Variants in NRXN3 observed in about 807,000 individuals in gnomAD.
The protein encoded by NRXN3 is neurexin 3.
A neutral mutation model predicts 137.6 loss-of-function variants in NRXN3; 32 were observed. The observed-to-expected ratio is 0.23, with a 90% CI of 0.18 to 0.31. The LOEUF is 0.31. Ranked by LOEUF, NRXN3 falls within the 10% of genes least tolerant of loss-of-function variation. The pLI, the probability that NRXN3 is intolerant of heterozygous loss-of-function variation, is 1.00. For missense variants in NRXN3, 1,574 were observed against 2,062.5 expected (o/e 0.76, Z 4.59); for synonymous variants, 798 against 784.5 (o/e 1.02, Z -0.29).
intron 3 of NRXN3, among the ~76,000 whole-genome samples, chr14:78,283,869 G>T (rs1235343009): frequency 6.6e-6 from 1 of 152,180 alleles, no homozygotes; most frequent in Non-Finnish European, 1.5e-5. Flanking sequence ...GAGCCTCACA[G>T]CCTCTAAAGT....
intron 14 of NRXN3, among the ~76,000 whole-genome samples, chr14:78,973,114 C>T (rs186865135): frequency 1.3e-5 from 2 of 152,146 alleles, no homozygotes; most frequent in Admixed American, 1.3e-4. Flanking sequence ...GAGGAGACCT[C>T]ATGGGGGAAG....
chr14:79,167,936 G>T (rs1261102539), intron 15 of NRXN3, among the ~76,000 whole-genome samples: 94 of 133,778 alleles, frequency 7.0e-4, no homozygotes, highest in South Asian at 1.5e-3. Flanking sequence ...TTCTTTCCTT[G>T]TTTTTTTTTT....
chr14:78,619,592 T>C (rs1231531715), intron 4 of NRXN3, among the ~76,000 whole-genome samples: 1 of 152,146 alleles, frequency 6.6e-6, no homozygotes, highest in African/African-American at 2.4e-5. Context: ...TCCCTCATAC[T>C]GCTCTTGTGA....
chr14:79,239,648 T>C (rs1236083850), intron 15 of NRXN3, among the ~76,000 whole-genome samples: 1 of 152,190 alleles, frequency 6.6e-6, no homozygotes, highest in African/African-American at 2.4e-5. Flanking sequence ...ATCCCACTAC[T>C]GGGTATATAT....
intron 15 of NRXN3, among the ~76,000 whole-genome samples, chr14:79,071,426 C>T (rs113925274): frequency 0.041 from 6,168 of 152,184 alleles, 457 homozygotes; most frequent in African/African-American, 0.14. Context: ...AGGTTCCCCT[C>T]CCTGTGTCCA....
At chr14:78,681,721 G>A (rs2098077907) in intron 6 of NRXN3, among the ~76,000 whole-genome samples, 2 of 152,122 alleles carry the variant, frequency 1.3e-5, no homozygotes, top group African/African-American at 4.8e-5. Context: ...TTGGAAAAGT[G>A]GGTCTCCTTT....
chr14:79,193,415 C>T (rs1244033287), intron 15 of NRXN3, among the ~76,000 whole-genome samples: 2 of 152,046 alleles, frequency 1.3e-5, no homozygotes, highest in East Asian at 1.9e-4. Context: ...GTGAGAAATG[C>T]GAACAAACAA....
At chr14:78,864,578 T>G (rs1344169898) in intron 10 of NRXN3, among the ~76,000 whole-genome samples, 1 of 152,170 alleles carries the variant, frequency 6.6e-6, no homozygotes. Context: ...AGATAAAAGA[T>G]TTATTTTCCC....
intron 10 of NRXN3, among the ~76,000 whole-genome samples, chr14:78,859,645 C>A (rs1017074272): frequency 1.5e-4 from 23 of 151,952 alleles, no homozygotes; most frequent in Non-Finnish European, 2.1e-4. Flanking sequence ...GTATGTCTAC[C>A]CAAGAAAATC....
At chr14:78,685,945 G>A (rs555003072) in intron 6 of NRXN3, among the ~76,000 whole-genome samples, 242 of 151,618 alleles carry the variant, frequency 1.6e-3, no homozygotes, top group African/African-American at 5.6e-3. Context: ...CACCGCACCC[G>A]GCCATGTCAC....
chr14:79,763,696 C>T (rs1290578955), intron 19 of NRXN3, among the ~76,000 whole-genome samples: 1 of 151,532 alleles, frequency 6.6e-6, no homozygotes, highest in Non-Finnish European at 1.5e-5. Flanking sequence ...CAGTTATGTC[C>T]TTACATGGTG....
At chr14:79,644,088 A>G (rs1017275126) in intron 16 of NRXN3, among the ~76,000 whole-genome samples, 1 of 135,788 alleles carries the variant, frequency 7.4e-6, no homozygotes, top group African/African-American at 2.4e-5. Flanking sequence ...CAATCTAAGT[A>G]TTTATCCAAA....
At chr14:78,722,177 A>T (rs1595162816) in intron 8 of NRXN3, among the ~76,000 whole-genome samples, 1 of 152,088 alleles carries the variant, frequency 6.6e-6, no homozygotes, top group Non-Finnish European at 1.5e-5. Context: ...CAGGCTGGGG[A>T]CTTTGGAGAT....
intron 4 of NRXN3, among the ~76,000 whole-genome samples, chr14:78,566,946 G>A (rs532725767): frequency 2.6e-5 from 4 of 152,290 alleles, no homozygotes; most frequent in African/African-American, 9.6e-5. Flanking sequence ...ATCTATTAGG[G>A]AAGGATTGCT....
intron 16 of NRXN3, among the ~76,000 whole-genome samples, chr14:79,586,949 T>C (rs1400162589): frequency 1.3e-5 from 2 of 152,202 alleles, no homozygotes; most frequent in Admixed American, 6.5e-5. Flanking sequence ...ATTAATTCAT[T>C]ATCATCTCCT....
intron 2 of NRXN3, among the ~76,000 whole-genome samples, chr14:78,256,190 G>A (rs2069562282): frequency 6.6e-6 from 1 of 152,140 alleles, no homozygotes; most frequent in South Asian, 2.1e-4. Flanking sequence ...CAGGCACGTT[G>A]TTGTCACTGG....
intron 4 of NRXN3, among the ~76,000 whole-genome samples, chr14:78,383,460 A>G (rs1399073510): frequency 1.3e-5 from 2 of 152,136 alleles, no homozygotes; most frequent in Admixed American, 6.5e-5. Context: ...TGTTGTTGGC[A>G]TATTTATTTA....
Position 78,256,803 on chromosome 14 carries a change from T to C in NRXN3, c.709+13001T>C, listed in dbSNP as rs1019561146. 2.0e-5 allele frequency among the ~76,000 whole-genome samples: 3 copies of C among 152,214 alleles called. 1 individual carries two copies. The highest frequency in any genetic ancestry group is 4.4e-5 in the Non-Finnish European group (3 of 68,038). ...ACATCTGTTATGAGAGCGTAGTAAA[T>C]TTTTCTTTCTCATGGGGAATTTGTT... On this transcript the variant is annotated intron_variant, in intron 2 of 20. Coordinates refer to ENST00000335750, the MANE Select transcript of NRXN3 (RefSeq NM_001330195.2).
intron 4 of NRXN3, among the ~76,000 whole-genome samples, chr14:78,504,503 A>G (rs533706611): frequency 3.0e-4 from 46 of 152,278 alleles, no homozygotes; most frequent in African/African-American, 1.1e-3. Flanking sequence ...AGGAGAGATG[A>G]ATGAGGAGAT....
Sources: gnomAD v4.1 joint callset for allele counts (sites outside exome capture counted in the v4.1 genomes callset) on GRCh38, gnomAD v4.1.1 for gene constraint, MANE v1.5 for transcripts, NCBI Gene and HGNC (gene_info 2026-07-23, HGNC 2026-07-21) for gene names.